CHST11: variants seen among roughly 807,000 people sequenced by gnomAD.
CHST11 encodes carbohydrate sulfotransferase 11, also known as C4S-1.
In CHST11, 9 loss-of-function variants were observed where a neutral mutation model predicts 30.4. The ratio of observed to expected loss-of-function variants is 0.30; its 90% CI spans 0.18 to 0.52. The LOEUF (loss-of-function observed/expected upper bound fraction) is 0.52. Ranked by LOEUF, CHST11 falls within the 20% of genes least tolerant of loss-of-function variation. The pLI is 0.97. For synonymous variants in CHST11, 152 were observed against 187.8 expected, an observed-to-expected ratio of 0.81 and a Z score of 1.56; for missense variants, 348 against 460.6, an observed-to-expected ratio of 0.76 and a Z score of 2.24.
intron 2 of CHST11, among the ~76,000 whole-genome samples, chr12:104,688,724 G>C (rs1289266950): frequency 1.3e-5 from 2 of 152,204 alleles, no homozygotes; most frequent in African/African-American, 2.4e-5. Flanking sequence ...AACCAAAATA[G>C]GGGTGTGGTT....
At chr12:104,605,041 T>C (rs915821774) in intron 2 of CHST11, among the ~76,000 whole-genome samples, 1 of 146,470 alleles carries the variant, frequency 6.8e-6, no homozygotes, top group Non-Finnish European at 1.5e-5. Flanking sequence ...ATAAACAGAG[T>C]GAAATTCAAC....
At chr12:104,576,439 T>C (rs2136028143) in intron 1 of CHST11, among the ~76,000 whole-genome samples, 1 of 152,292 alleles carries the variant, frequency 6.6e-6, no homozygotes, top group South Asian at 2.1e-4. Flanking sequence ...ATCTGGGAGT[T>C]CTGGTTCCGG....
intron 1 of CHST11, among the ~76,000 whole-genome samples, chr12:104,524,681 T>A (rs1239140250): frequency 6.6e-6 from 1 of 152,060 alleles, no homozygotes; most frequent in East Asian, 1.9e-4. Context: ...CACCCATCCA[T>A]CCATCCATCC....
chr12:104,470,393 A>C (rs551166062), intron 1 of CHST11, among the ~76,000 whole-genome samples: 1 of 152,182 alleles, frequency 6.6e-6, no homozygotes, highest in Non-Finnish European at 1.5e-5. Context: ...AGACACTGAT[A>C]AAGCCATCAG....
At chr12:104,514,597 C>T (rs1251579698) in intron 1 of CHST11, among the ~76,000 whole-genome samples, 7 of 152,112 alleles carry the variant, frequency 4.6e-5, no homozygotes, top group Non-Finnish European at 8.8e-5. Context: ...CGAAGTATGA[C>T]GTCAGTGTCT....
At chr12:104,513,858 G>C (rs967452714) in intron 1 of CHST11, among the ~76,000 whole-genome samples, 1 of 152,198 alleles carries the variant, frequency 6.6e-6, no homozygotes, top group African/African-American at 2.4e-5. Flanking sequence ...TGGCAGTGGC[G>C]TCAGAAGGCC....
chr12:104,636,471 G>A (rs770732474), intron 2 of CHST11, among the ~76,000 whole-genome samples: 12 of 152,206 alleles, frequency 7.9e-5, no homozygotes, highest in Non-Finnish European at 1.5e-4. Flanking sequence ...AAAGTCCTTG[G>A]CCCTTTAGGT....
intron 2 of CHST11, among the ~76,000 whole-genome samples, chr12:104,667,905 T>A (rs2039656507): frequency 6.6e-6 from 1 of 152,172 alleles, no homozygotes; most frequent in African/African-American, 2.4e-5. Flanking sequence ...ACCCATGAGT[T>A]CATGGTTTTT....
chr12:104,583,319 A>G (rs1388666070), intron 1 of CHST11, among the ~76,000 whole-genome samples: 1 of 151,930 alleles, frequency 6.6e-6, no homozygotes, highest in Non-Finnish European at 1.5e-5. Flanking sequence ...CCTCCTTGGG[A>G]TCATTCTGAT....
At chr12:104,508,216 C>T (rs115713487) in intron 1 of CHST11, among the ~76,000 whole-genome samples, 1 of 146,550 alleles carries the variant, frequency 6.8e-6, no homozygotes, top group South Asian at 2.1e-4. Context: ...CTTGGCTTAC[C>T]CATCTGATCA....
intron 2 of CHST11, among the ~76,000 whole-genome samples, chr12:104,610,609 C>T (rs2039050809): frequency 6.6e-6 from 1 of 152,174 alleles, no homozygotes; most frequent in Non-Finnish European, 1.5e-5. Context: ...CTGTAAATGA[C>T]ACAACTCAAG....
At chr12:104,514,288 G>T in intron 1 of CHST11, 1 of 880,474 alleles carries the variant, frequency 1.1e-6, no homozygotes, top group South Asian at 1.3e-5. Context: ...GCTGGCATTG[G>T]AGCGGTGTTT....
intron 2 of CHST11, among the ~76,000 whole-genome samples, chr12:104,632,593 G>A (rs1026890370): frequency 1.3e-5 from 2 of 152,176 alleles, no homozygotes; most frequent in African/African-American, 4.8e-5. Context: ...GGGGGAGGAG[G>A]GAACCTCCTG....
intron 1 of CHST11, among the ~76,000 whole-genome samples, chr12:104,476,301 A>G (rs2037562521): frequency 6.6e-6 from 1 of 150,768 alleles, no homozygotes; most frequent in African/African-American, 2.4e-5. Flanking sequence ...ATATGTGAAT[A>G]ATATATACAT....
intron 2 of CHST11, among the ~76,000 whole-genome samples, chr12:104,746,612 A>G (rs551634169): frequency 1.3e-5 from 2 of 152,260 alleles, no homozygotes; most frequent in African/African-American, 2.4e-5. Context: ...AAGGAAGGCA[A>G]AGCTTCTGCA....
At chr12:104,577,295 A>T (rs1439268309) in intron 1 of CHST11, among the ~76,000 whole-genome samples, 6 of 144,512 alleles carry the variant, frequency 4.2e-5, no homozygotes, top group South Asian at 4.4e-4. Flanking sequence ...TACACATAAC[A>T]TAAAATTTAC....
At position 104,736,080 on chromosome 12, in the gene CHST11, G is replaced by A. The variant is rs117697796; in HGVS notation, c.205-20869G>A. ...TGAGATGGGACACAGGAAGAGGGCA[G>A]TGACCACTCTCAGACATTCCAAGTT... On this transcript the variant is annotated intron_variant, in intron 2 of 2. Transcript: ENST00000303694. 4.8e-3 allele frequency among the ~76,000 whole-genome samples: 727 copies of A among 152,282 alleles called. 2 individuals are homozygous for A. The highest frequency in any genetic ancestry group is 7.4e-3 in the Non-Finnish European group (504 of 68,010).
intron 2 of CHST11, among the ~76,000 whole-genome samples, chr12:104,626,941 G>A (rs1425707250): frequency 6.6e-6 from 1 of 152,116 alleles, no homozygotes; most frequent in Admixed American, 6.6e-5. Flanking sequence ...GTAGCCACGT[G>A]TCATTATACA....
intron 2 of CHST11, among the ~76,000 whole-genome samples, chr12:104,672,218 G>A (rs988439721): frequency 6.7e-6 from 1 of 150,170 alleles, no homozygotes; most frequent in South Asian, 2.1e-4. Flanking sequence ...GCACAGGGGG[G>A]TGGACCGTGT....
Sources: gnomAD v4.1 joint callset for allele counts (sites outside exome capture counted in the v4.1 genomes callset) on GRCh38, gnomAD v4.1.1 for gene constraint, MANE v1.5 for transcripts, NCBI Gene and HGNC (gene_info 2026-07-23, HGNC 2026-07-21) for gene names.